UNC13C: variants seen among roughly 807,000 people sequenced by gnomAD.
UNC13C encodes unc-13 homolog C, also known as protein unc-13 homolog C.
Under a neutral mutation model 245.4 loss-of-function variants are expected in UNC13C, and 174 were observed. The ratio of observed to expected loss-of-function variants is 0.71; its 90% CI spans 0.63 to 0.80. UNC13C has a LOEUF of 0.80. Ranked by LOEUF, UNC13C falls within the 30% of genes least tolerant of loss-of-function variation. The pLI, the probability that UNC13C is intolerant of heterozygous loss-of-function variation, is 0.00. For synonymous variants in UNC13C, 992 were observed against 895.1 expected, an observed-to-expected ratio of 1.11 and a Z score of -1.93; for missense variants, 2,829 against 2,602.9, an observed-to-expected ratio of 1.09 and a Z score of -1.89.
downstream of UNC13C, chr15:54,629,829 T>A (rs1405456506): frequency 1.3e-5 from 2 of 152,204 alleles, no homozygotes; most frequent in Admixed American, 1.3e-4. Flanking sequence ...AATTATTCTG[T>A]CTTTTACAAT....
intron 2 of UNC13C, among the ~76,000 whole-genome samples, chr15:54,055,970 G>A (rs1409455752): frequency 6.6e-6 from 1 of 152,126 alleles, no homozygotes; most frequent in Admixed American, 6.6e-5. Context: ...CCTTCCATTA[G>A]CTTCTGTGCT....
chr15:54,579,573 C>CAGTGAAA (rs1273316987), intron 30 of UNC13C, among the ~76,000 whole-genome samples: 5 of 151,872 alleles, frequency 3.3e-5, no homozygotes, highest in Non-Finnish European at 7.4e-5. Flanking sequence ...CCAGCTAACA[C>CAGTGAAA]AGTGAAACCT....
chr15:54,446,473 A>G (rs8040145), intron 19 of UNC13C, among the ~76,000 whole-genome samples: 88,282 of 151,946 alleles, frequency 0.58, 25,826 homozygotes, highest in East Asian at 0.79. Context: ...ATTTCGTTGA[A>G]CATTGGTTTC....
chr15:54,457,903 T>C (rs1891621663), intron 19 of UNC13C, among the ~76,000 whole-genome samples: 1 of 151,116 alleles, frequency 6.6e-6, no homozygotes, highest in Non-Finnish European at 1.5e-5. Flanking sequence ...TTTTTTTTTT[T>C]TTCCTTTTTT....
At chr15:53,864,674 G>A in the UNC13C span, among the ~76,000 whole-genome samples, 16 of 152,192 alleles carry the variant, frequency 1.1e-4, no homozygotes, top group South Asian at 2.1e-4. Context: ...TGAAGAAACC[G>A]ATAGTATTTG....
In UNC13C at chr15:54,471,000, TA is replaced by T. The variant is rs558170629; in HGVS notation, c.4934-23607del. ...TTAGGAGCACATTGTTCAATTTCCA[TA>T]TATTTGTTAATTTTACATAATTTTT... On this transcript the variant is annotated intron_variant, in intron 19 of 32. Coordinates refer to ENST00000260323, the MANE Select transcript of UNC13C (RefSeq NM_001080534.3). Among the ~76,000 whole-genome samples, 76 of 151,608 alleles carry T rather than the reference TA, an allele frequency of 5.0e-4. 3 individuals are homozygous for T. In the South Asian group the frequency reaches 5.8e-3, roughly 12 times the overall value.
intron 1 of UNC13C, among the ~76,000 whole-genome samples, chr15:54,004,710 A>G (rs1441369871): frequency 6.6e-6 from 1 of 152,174 alleles, no homozygotes; most frequent in African/African-American, 2.4e-5. Context: ...TTTTAACCGG[A>G]GCGAGGTATC....
chr15:54,408,147 C>A (rs1252820547), intron 18 of UNC13C, among the ~76,000 whole-genome samples: 3 of 135,348 alleles, frequency 2.2e-5, no homozygotes, highest in South Asian at 2.5e-4. Context: ...TTGCAGTAAG[C>A]CGAGATGGCG....
intron 2 of UNC13C, among the ~76,000 whole-genome samples, chr15:54,115,439 G>C (rs1455031168): frequency 6.6e-6 from 1 of 151,766 alleles, no homozygotes; most frequent in Admixed American, 6.6e-5. Flanking sequence ...GGCATATCTT[G>C]TTTTATTGTA....
chr15:54,056,605 G>A (rs1427387308), intron 2 of UNC13C, among the ~76,000 whole-genome samples: 1 of 152,100 alleles, frequency 6.6e-6, no homozygotes, highest in African/African-American at 2.4e-5. Context: ...AGGAAATACA[G>A]AGAACGCCAC....
In UNC13C at chr15:54,013,930, A is replaced by T; in HGVS notation, c.1027A>T (p.Ile343Leu). The part of the protein sequence containing the change: ...YVESVVYQIL[I>L]DKMGFSDAPN... ...TGAAAGCGTGGTGTACCAAATTCTA[A>T]TAGATAAAATGGGTTTTTCAGATGC... is the stretch of plus-strand genomic sequence containing the variant. Residue 343 changes from isoleucine to leucine, a missense_variant, in exon 2 of 33, where the codon ATA becomes TTA. Coordinates refer to ENST00000260323, the MANE Select transcript of UNC13C (RefSeq NM_001080534.3). 6.2e-7 allele frequency: 1 copy of T among 1,613,288 alleles called. No homozygotes were observed. The highest frequency in any genetic ancestry group is 8.5e-7 in the Non-Finnish European group (1 of 1,179,694).
chr15:53,909,190 C>T, the UNC13C span, among the ~76,000 whole-genome samples: 3 of 146,782 alleles, frequency 2.0e-5, 1 homozygote. Flanking sequence ...TCTCCTTATT[C>T]TTGCAGAAAT....
chr15:54,382,894 A>T (rs1020419682), intron 17 of UNC13C, among the ~76,000 whole-genome samples: 18 of 152,184 alleles, frequency 1.2e-4, no homozygotes, highest in Admixed American at 1.0e-3. Context: ...AATACAAAAG[A>T]TCACCAGAGA....
At chr15:54,483,709 C>T (rs539756881) in intron 19 of UNC13C, among the ~76,000 whole-genome samples, 14 of 152,234 alleles carry the variant, frequency 9.2e-5, no homozygotes, top group Admixed American at 8.5e-4. Flanking sequence ...TCTGCCTCTG[C>T]CTCCCAGGGT....
intron 30 of UNC13C, among the ~76,000 whole-genome samples, chr15:54,621,304 A>G (rs1323593351): frequency 2.0e-5 from 3 of 152,232 alleles, no homozygotes; most frequent in African/African-American, 7.2e-5. Context: ...AAAACGCCAC[A>G]TAACTTTGAC....
chr15:54,016,312 A>T (rs977154972), intron 2 of UNC13C, among the ~76,000 whole-genome samples: 6 of 152,210 alleles, frequency 3.9e-5, no homozygotes, highest in Non-Finnish European at 8.8e-5. Flanking sequence ...CTTAAAAAAA[A>T]ATGTGAAAAG....
At chr15:54,597,629 G>T (rs759064224) in intron 30 of UNC13C, among the ~76,000 whole-genome samples, 1 of 150,444 alleles carries the variant, frequency 6.6e-6, no homozygotes, top group African/African-American at 2.4e-5. Context: ...ATTAAATTTT[G>T]ATCTTTTTCA....
chr15:53,887,896 T>G, the UNC13C span, among the ~76,000 whole-genome samples: 1 of 152,230 alleles, frequency 6.6e-6, no homozygotes, highest in Non-Finnish European at 1.5e-5. Flanking sequence ...TCCCTTTTTA[T>G]GGCTTCATAG....
At chr15:54,541,002 A>G (rs950223869) in intron 26 of UNC13C, among the ~76,000 whole-genome samples, 1 of 151,960 alleles carries the variant, frequency 6.6e-6, no homozygotes, top group Non-Finnish European at 1.5e-5. Context: ...GCTGTTTTGT[A>G]CCCTATGTCC....
Sources: gnomAD v4.1 joint callset for allele counts (sites outside exome capture counted in the v4.1 genomes callset) on GRCh38, gnomAD v4.1.1 for gene constraint, MANE v1.5 for transcripts, NCBI Gene and HGNC (gene_info 2026-07-23, HGNC 2026-07-21) for gene names.